The following SETBP1 variants were observed in gnomAD, a reference collection of about 807,000 sequenced individuals.
SETBP1 encodes SET-binding protein.
Under a neutral mutation model 101.0 loss-of-function variants are expected in SETBP1, and 9 were observed. The ratio of observed to expected loss-of-function variants is 0.09; its 90% CI spans 0.05 to 0.16. The LOEUF (loss-of-function observed/expected upper bound fraction) is 0.16. Among genes scored for constraint, SETBP1 ranks in the 10% least tolerant of loss-of-function variants. The pLI, the probability that SETBP1 is intolerant of heterozygous loss-of-function variation, is 1.00. For missense variants in SETBP1, 1,858 were observed against 2,033.8 expected, an observed-to-expected ratio of 0.91 and a Z score of 1.66; for synonymous variants, 818 against 788.5, an observed-to-expected ratio of 1.04 and a Z score of -0.63.
intron 4 of SETBP1, among the ~76,000 whole-genome samples, chr18:45,000,793 AACAC>A (rs113870439): frequency 1.3e-4 from 19 of 146,802 alleles, no homozygotes; most frequent in African/African-American, 3.3e-4. Context: ...GAATGCACAC[AACAC>A]ACACACACAC....
At chr18:44,911,520 C>G (rs1480807916) in intron 3 of SETBP1, among the ~76,000 whole-genome samples, 1 of 152,172 alleles carries the variant, frequency 6.6e-6, no homozygotes, top group Non-Finnish European at 1.5e-5. Context: ...ATCCTGATGC[C>G]CTGATTCTGC....
chr18:44,796,673 C>G (rs2071483445), intron 2 of SETBP1, among the ~76,000 whole-genome samples: 1 of 152,194 alleles, frequency 6.6e-6, no homozygotes, highest in Non-Finnish European at 1.5e-5. Context: ...CAGTCAGCAG[C>G]AATCCCTGCA....
intron 2 of SETBP1, among the ~76,000 whole-genome samples, chr18:44,833,575 G>A (rs1321442780): frequency 6.6e-6 from 1 of 152,194 alleles, no homozygotes; most frequent in Non-Finnish European, 1.5e-5. Context: ...TATTAATTAC[G>A]GCCCAGGAAA....
rs906348237 is a variant in SETBP1, at chr18:44,702,425, C to T, written c.486+593C>T. Among the ~76,000 whole-genome samples, 4 of 152,154 alleles carry T rather than the reference C, an allele frequency of 2.6e-5. No homozygotes were observed. The East Asian group carries it at 7.7e-4, about 29-fold the overall frequency. On this transcript the variant is annotated intron_variant, in intron 2 of 5. Coordinates refer to ENST00000649279, the MANE Select transcript of SETBP1 (RefSeq NM_015559.3). ...AGAGACTCAAGAAGAAACACCTCTGCTATAATCTTGGTATAATGTCTAGTT... is the reference window on the plus strand; with the variant it reads ...AGAGACTCAAGAAGAAACACCTCTGTTATAATCTTGGTATAATGTCTAGTT...
chr18:44,967,420 T>C (rs1282523888), intron 4 of SETBP1, among the ~76,000 whole-genome samples: 2 of 152,142 alleles, frequency 1.3e-5, no homozygotes, highest in East Asian at 3.8e-4. Flanking sequence ...ATAAGAAAAA[T>C]AATGAAATGT....
intron 2 of SETBP1, among the ~76,000 whole-genome samples, chr18:44,777,307 C>T (rs1233860645): frequency 2.6e-5 from 4 of 152,142 alleles, no homozygotes; most frequent in African/African-American, 9.7e-5. Context: ...AGTTAAATTA[C>T]TTGGCCACTA....
At chr18:44,908,819 A>G (rs891208166) in intron 3 of SETBP1, among the ~76,000 whole-genome samples, 16 of 152,370 alleles carry the variant, frequency 1.1e-4, no homozygotes, top group African/African-American at 3.8e-4. Context: ...CCTGTAGAGT[A>G]CTTGTGAAGC....
At chr18:44,925,941 A>G (rs1377141136) in intron 3 of SETBP1, among the ~76,000 whole-genome samples, 2 of 152,264 alleles carry the variant, frequency 1.3e-5, no homozygotes, top group South Asian at 2.1e-4. Flanking sequence ...AGTAAAAAGC[A>G]GATACATTAA....
intron 2 of SETBP1, among the ~76,000 whole-genome samples, chr18:44,834,191 A>G (rs923603111): frequency 1.3e-5 from 2 of 152,184 alleles, no homozygotes; most frequent in Non-Finnish European, 2.9e-5. Flanking sequence ...CAGCTATGCT[A>G]TGGGTTACCT....
chr18:44,957,802 C>T (rs918316838), intron 4 of SETBP1, among the ~76,000 whole-genome samples: 1 of 152,156 alleles, frequency 6.6e-6, no homozygotes, highest in African/African-American at 2.4e-5. Flanking sequence ...GTTTCAGGAT[C>T]ATTTCCTTAA....
intron 2 of SETBP1, among the ~76,000 whole-genome samples, chr18:44,724,423 G>C (rs1186017835): frequency 6.6e-6 from 1 of 152,156 alleles, no homozygotes; most frequent in African/African-American, 2.4e-5. Flanking sequence ...TGGGGGAGGG[G>C]AGCTGGCCTA....
intron 3 of SETBP1, among the ~76,000 whole-genome samples, chr18:44,935,669 A>C (rs1180659803): frequency 6.6e-6 from 1 of 152,222 alleles, no homozygotes; most frequent in Non-Finnish European, 1.5e-5. Flanking sequence ...ACCCAGAACA[A>C]TGACTCCACA....
At chr18:44,809,190 T>G (rs1471953482) in intron 2 of SETBP1, among the ~76,000 whole-genome samples, 1 of 152,198 alleles carries the variant, frequency 6.6e-6, no homozygotes, top group Middle Eastern at 3.2e-3. Flanking sequence ...AGCTTGATCC[T>G]AGAAACATGA....
In SETBP1 at chr18:44,801,151, G is replaced by A. The variant is rs547655100; in HGVS notation, c.487-68079G>A. On this transcript the variant is annotated intron_variant, in intron 2 of 5. Transcript: ENST00000649279. ...TGTCGTGGGGTAGGAGGAGCGGGGA[G>A]GGATAGCATTAGGAGATATACCTAA... Among the ~76,000 whole-genome samples, 8 of 152,250 alleles carry A rather than the reference G, an allele frequency of 5.3e-5. No homozygotes were observed. The East Asian group carries it at 1.5e-3, about 29-fold the overall frequency.
intron 2 of SETBP1, among the ~76,000 whole-genome samples, chr18:44,744,332 G>C (rs923709151): frequency 6.6e-6 from 1 of 152,208 alleles, no homozygotes; most frequent in Admixed American, 6.5e-5. Flanking sequence ...CAGGCAACCC[G>C]TTGTTCTGCA....
chr18:45,042,124 A>AACATACTC (rs1167369003), intron 5 of SETBP1, among the ~76,000 whole-genome samples: 1 of 151,408 alleles, frequency 6.6e-6, no homozygotes, highest in Non-Finnish European at 1.5e-5. Context: ...ATCTGAGAAA[A>AACATACTC]ACATACTCAA....
At chr18:44,776,726 C>T (rs940525027) in intron 2 of SETBP1, among the ~76,000 whole-genome samples, 5 of 152,292 alleles carry the variant, frequency 3.3e-5, no homozygotes, top group African/African-American at 1.2e-4. Flanking sequence ...AATAATGCCC[C>T]AGGGAGATAA....
At chr18:44,992,612 A>G (rs2072402732) in intron 4 of SETBP1, among the ~76,000 whole-genome samples, 2 of 152,116 alleles carry the variant, frequency 1.3e-5, no homozygotes, top group South Asian at 2.1e-4. Context: ...CATGGCACAG[A>G]CATAGCTTGG....
intron 5 of SETBP1, among the ~76,000 whole-genome samples, chr18:45,043,442 A>G (rs1484864473): frequency 7.2e-5 from 11 of 151,756 alleles, no homozygotes; most frequent in Admixed American, 2.0e-4. Flanking sequence ...CCAAGGAGAA[A>G]AAAAAAAAAG....
Sources: allele counts gnomAD v4.1 joint callset (sites outside exome capture counted in the v4.1 genomes callset), GRCh38; gene constraint gnomAD v4.1.1; transcripts MANE v1.5; gene names NCBI Gene and HGNC (gene_info 2026-07-23, HGNC 2026-07-21).